EPHA5: variants seen among roughly 807,000 people sequenced by gnomAD.
EPHA5 encodes EPH receptor A5, also known as ephrin type-A receptor 5.
EPHA5 carries 60 observed loss-of-function variants against 105.0 expected under a neutral mutation model. The observed-to-expected ratio is 0.57, with a 90% CI of 0.46 to 0.71. The LOEUF is 0.71. Ranked by LOEUF, EPHA5 falls within the 30% of genes least tolerant of loss-of-function variation. The pLI is 0.00. For synonymous variants in EPHA5, 513 were observed against 449.1 expected, an observed-to-expected ratio of 1.14 and a Z score of -1.80; for missense variants, 1,218 against 1,274.7, an observed-to-expected ratio of 0.96 and a Z score of 0.68.
At chr4:65,658,160 A>G (rs1277480164) in intron 1 of EPHA5, among the ~76,000 whole-genome samples, 1 of 152,112 alleles carries the variant, frequency 6.6e-6, no homozygotes, top group Non-Finnish European at 1.5e-5. Context: ...AAAATCTTGT[A>G]CAGACCTAGG....
chr4:65,433,979 C>T (rs556077021), intron 5 of EPHA5, among the ~76,000 whole-genome samples: 2 of 152,182 alleles, frequency 1.3e-5, no homozygotes, highest in South Asian at 2.1e-4. Context: ...CGCTTGAACC[C>T]GGGAGGCGGA....
chr4:65,357,872 T>C (rs957802439), intron 11 of EPHA5, among the ~76,000 whole-genome samples: 2 of 151,394 alleles, frequency 1.3e-5, no homozygotes. Flanking sequence ...TTTTAACTTA[T>C]TATGTGACTT....
At chr4:65,539,391 A>G (rs1470342247) in intron 3 of EPHA5, among the ~76,000 whole-genome samples, 2 of 151,736 alleles carry the variant, frequency 1.3e-5, no homozygotes, top group African/African-American at 2.4e-5. Context: ...TAGGGCTTTT[A>G]TGTGTCAGCA....
rs143294031 is a variant in EPHA5, at chr4:65,414,461, T to C, written c.1528-18A>G. 1.1e-5 allele frequency: 17 copies of C among 1,611,168 alleles called. No individual in the cohort carries two copies. The East Asian group carries it at 3.3e-4, about 32-fold the overall frequency. ...TCTTGGTCCTTGGGATGCGCATGCA[T>C]ATACAATAAAAAAGACAGCATATAA... On this transcript the variant is annotated intron_variant, in intron 6 of 16. Transcript: ENST00000613740.
At chr4:65,444,657 T>A (rs1436539513) in intron 5 of EPHA5, among the ~76,000 whole-genome samples, 1 of 152,154 alleles carries the variant, frequency 6.6e-6, no homozygotes, top group African/African-American at 2.4e-5. Context: ...ATTGTGGATT[T>A]ACTTCAGATC....
chr4:65,384,902 G>A (rs1283927428), intron 8 of EPHA5, among the ~76,000 whole-genome samples: 1 of 151,172 alleles, frequency 6.6e-6, no homozygotes, highest in Non-Finnish European at 1.5e-5. Context: ...TCCATTTCTA[G>A]GAGCCTAAAT....
intron 1 of EPHA5, 158 bp downstream of exon 1, chr4:65,669,403 AG>A (rs1380669046): frequency 3.0e-6 from 3 of 985,126 alleles, no homozygotes; most frequent in East Asian, 2.3e-4. Context: ...CGCAGAGGGG[AG>A]CGAAAAGGCC....
chr4:65,355,851 G>T (rs1723249309), intron 11 of EPHA5, among the ~76,000 whole-genome samples: 1 of 151,534 alleles, frequency 6.6e-6, no homozygotes, highest in Non-Finnish European at 1.5e-5. Flanking sequence ...CAAAGGGTAT[G>T]TACCTGACAA....
At chr4:65,484,338 G>A (rs1409953942) in intron 5 of EPHA5, among the ~76,000 whole-genome samples, 1 of 152,128 alleles carries the variant, frequency 6.6e-6, no homozygotes, top group Non-Finnish European at 1.5e-5. Context: ...CAACTACAAG[G>A]ATGGCATCAA....
At chr4:65,550,013 T>G (rs1401263993) in intron 3 of EPHA5, among the ~76,000 whole-genome samples, 1 of 152,130 alleles carries the variant, frequency 6.6e-6, no homozygotes, top group African/African-American at 2.4e-5. Context: ...CAAATTAATA[T>G]TCTTTTGTAA....
intron 3 of EPHA5, among the ~76,000 whole-genome samples, chr4:65,496,128 C>T (rs1327170790): frequency 6.6e-6 from 1 of 152,076 alleles, no homozygotes; most frequent in African/African-American, 2.4e-5. Flanking sequence ...CATTTTAGAA[C>T]TTTTCTTTGA....
At chr4:65,427,381 A>G (rs9997982) in intron 5 of EPHA5, among the ~76,000 whole-genome samples, 1 of 151,728 alleles carries the variant, frequency 6.6e-6, no homozygotes, top group Admixed American at 6.6e-5. Context: ...ACAGGGTTTC[A>G]TCATCTTGGC....
At position 65,359,803 on chromosome 4, in the gene EPHA5, C is replaced by A. The variant is rs535772182; in HGVS notation, c.2173+5214G>T. On this transcript the variant is annotated intron_variant, in intron 11 of 16. Coordinates refer to ENST00000613740, the MANE Select transcript of EPHA5 (RefSeq NM_001281766.3). Reference sequence around the variant, plus strand: ...TGGGTCCTACCACCTCTTCTTAACCCAGCAGCCTTTCTGGTCCTGTTAATG... The same window carrying A: ...TGGGTCCTACCACCTCTTCTTAACCAAGCAGCCTTTCTGGTCCTGTTAATG... 5.3e-5 allele frequency among the ~76,000 whole-genome samples: 8 copies of A among 151,766 alleles called. No homozygotes were observed. In the South Asian group the frequency reaches 1.7e-3, roughly 31 times the overall value.
At chr4:65,479,070 C>G (rs1365553217) in intron 5 of EPHA5, among the ~76,000 whole-genome samples, 1 of 151,948 alleles carries the variant, frequency 6.6e-6, no homozygotes, top group East Asian at 1.9e-4. Flanking sequence ...CCTATTTTTT[C>G]CATAATTTAT....
At chr4:65,382,108 C>T (rs1719618181) in intron 8 of EPHA5, among the ~76,000 whole-genome samples, 1 of 151,666 alleles carries the variant, frequency 6.6e-6, no homozygotes. Flanking sequence ...CCTGTGCGGC[C>T]ATTCATCTTA....
intron 8 of EPHA5, among the ~76,000 whole-genome samples, chr4:65,395,480 T>A (rs879886006): frequency 1.2e-4 from 19 of 152,206 alleles, no homozygotes; most frequent in Non-Finnish European, 1.9e-4. Context: ...AATTTTAATA[T>A]TATTTTCTTG....
intron 14 of EPHA5, among the ~76,000 whole-genome samples, chr4:65,339,102 A>G (rs1721457793): frequency 6.6e-6 from 1 of 152,160 alleles, no homozygotes; most frequent in South Asian, 2.1e-4. Flanking sequence ...ATGTAAACTG[A>G]TAGTCTGAAC....
chr4:65,472,430 C>T (rs941117729), intron 5 of EPHA5, among the ~76,000 whole-genome samples: 3 of 152,176 alleles, frequency 2.0e-5, no homozygotes, highest in South Asian at 4.1e-4. Flanking sequence ...GTGGGTGCTC[C>T]GACCCCACAT....
chr4:65,468,555 TATATTATATATTA>T (rs1728947236), intron 5 of EPHA5, among the ~76,000 whole-genome samples: 1 of 61,210 alleles, frequency 1.6e-5, no homozygotes, highest in Admixed American at 2.4e-4. Flanking sequence ...ATATAATATA[TATATTATATATTA>T]TATATATATA....
Sources: gnomAD v4.1 joint callset for allele counts (sites outside exome capture counted in the v4.1 genomes callset) on GRCh38, gnomAD v4.1.1 for gene constraint, MANE v1.5 for transcripts, NCBI Gene and HGNC (gene_info 2026-07-23, HGNC 2026-07-21) for gene names.